SRGAP1: variants seen among roughly 807,000 people sequenced by gnomAD.
SRGAP1 encodes SLIT-ROBO Rho GTPase activating protein 1, also known as SLIT-ROBO Rho GTPase-activating protein 1.
In SRGAP1, 43 loss-of-function variants were observed where a neutral mutation model predicts 121.9. The ratio of observed to expected loss-of-function variants is 0.35; its 90% confidence interval spans 0.28 to 0.46. SRGAP1 has a LOEUF of 0.46. SRGAP1 is among the 20% of genes least tolerant of loss of function. The pLI is 1.00. For synonymous variants in SRGAP1, 447 were observed against 485.4 expected, an observed-to-expected ratio of 0.92 and a Z score of 1.04; for missense variants, 1,102 against 1,350.9, an observed-to-expected ratio of 0.82 and a Z score of 2.89.
intron 1 of SRGAP1, among the ~76,000 whole-genome samples, chr12:63,969,071 G>A (rs922548682): frequency 3.3e-5 from 5 of 152,166 alleles, no homozygotes; most frequent in South Asian, 2.1e-4. Flanking sequence ...AATTTTACTC[G>A]TTTTCACAGA....
At chr12:64,024,271 AATT>A (rs1257390883) in intron 4 of SRGAP1, among the ~76,000 whole-genome samples, 1 of 152,090 alleles carries the variant, frequency 6.6e-6, no homozygotes, top group African/African-American at 2.4e-5. Context: ...TCTCCTAAAA[AATT>A]AATAAATTTA....
intron 1 of SRGAP1, among the ~76,000 whole-genome samples, chr12:63,974,973 G>GTGA (rs1165623129): frequency 6.6e-6 from 1 of 152,186 alleles, no homozygotes; most frequent in Non-Finnish European, 1.5e-5. Context: ...CAAGTGGCCA[G>GTGA]TGATCTTTCC....
intron 1 of SRGAP1, among the ~76,000 whole-genome samples, chr12:63,922,394 G>A (rs183999425): frequency 6.6e-6 from 1 of 152,338 alleles, no homozygotes; most frequent in East Asian, 1.9e-4. Context: ...ATTGTAAACA[G>A]AAGGCATTTC....
At chr12:63,978,612 T>C (rs944192603) in intron 1 of SRGAP1, among the ~76,000 whole-genome samples, 1 of 152,220 alleles carries the variant, frequency 6.6e-6, no homozygotes, top group Non-Finnish European at 1.5e-5. Flanking sequence ...TTGATACACA[T>C]TTGAGCTGTT....
At chr12:63,956,303 G>A (rs1026715501) in intron 1 of SRGAP1, among the ~76,000 whole-genome samples, 11 of 152,214 alleles carry the variant, frequency 7.2e-5, no homozygotes, top group Admixed American at 4.6e-4. Flanking sequence ...GGGCTCAAGC[G>A]ATCCGTCTGC....
At chr12:64,118,651 TAGTGATGTTCAGC>T (rs1358473183) in intron 18 of SRGAP1, among the ~76,000 whole-genome samples, 2 of 151,942 alleles carry the variant, frequency 1.3e-5, no homozygotes, top group Non-Finnish European at 2.9e-5. Flanking sequence ...TCCTGATGAT[TAGTGATGTTCAGC>T]ATTTTAAAAT....
At chr12:63,994,630 A>G (rs1432098481) in intron 3 of SRGAP1, among the ~76,000 whole-genome samples, 1 of 152,170 alleles carries the variant, frequency 6.6e-6, no homozygotes, top group African/African-American at 2.4e-5. Flanking sequence ...CAGACCTTCT[A>G]CTAGATGTAG....
At chr12:64,054,554 C>T (rs2035302627) in intron 6 of SRGAP1, among the ~76,000 whole-genome samples, 1 of 152,114 alleles carries the variant, frequency 6.6e-6, no homozygotes, top group Non-Finnish European at 1.5e-5. Context: ...CCCCATTAGA[C>T]ATGAACTCCT....
Position 63,881,595 on chromosome 12 carries a change from G to A in SRGAP1, c.67+36712G>A, listed in dbSNP as rs571435596. Among the ~76,000 whole-genome samples, 16 of 152,282 alleles carry A rather than the reference G, an allele frequency of 1.1e-4. No individual in the cohort carries two copies. In the South Asian group the frequency reaches 2.7e-3, roughly 26 times the overall value. On this transcript the variant is annotated intron_variant, in intron 1 of 21. Coordinates refer to ENST00000355086, the MANE Select transcript of SRGAP1 (RefSeq NM_020762.4). ...AGTAATAATAGTACTGAGGCCTAAG[G>A]TATTGTGCAGCTTAAATATGATAAT...
chr12:64,108,963 C>G lies in SRGAP1; in HGVS notation c.1845C>G (p.His615Gln). ...ATAATCTCTATGAGAGGGCGCTTCA[C>G]ATCCGCAAACTCCTCCTGACTTTGC... Reference protein sequence around the residue: ...RIDNLYERALHIRKLLLTLPR... With the variant: ...RIDNLYERALQIRKLLLTLPR... Residue 615 changes from histidine (H) to glutamine (Q), a missense_variant, in exon 16 of 22, where the codon CAC (histidine) becomes CAG (glutamine). Physicochemically the swap from His to Gln is conservative, Grantham distance 24. Coordinates refer to ENST00000355086, the MANE Select transcript of SRGAP1 (RefSeq NM_020762.4). The G allele has an allele frequency of 6.2e-7, 1 of 1,604,464 alleles. No individual in the cohort carries two copies. The highest frequency in any genetic ancestry group is 1.3e-5 in the African/African-American group (1 of 74,918).
At chr12:63,904,020 C>G (rs570314267) in intron 1 of SRGAP1, among the ~76,000 whole-genome samples, 47 of 152,206 alleles carry the variant, frequency 3.1e-4, no homozygotes, top group African/African-American at 9.9e-4. Flanking sequence ...AAAATAAACT[C>G]CATGTTGTGA....
intron 1 of SRGAP1, chr12:63,888,477 G>A (rs1900467328): frequency 6.6e-6 from 1 of 152,002 alleles, no homozygotes; most frequent in Non-Finnish European, 1.5e-5. Context: ...TTATAAACCC[G>A]AGATGCACCA....
intron 1 of SRGAP1, among the ~76,000 whole-genome samples, chr12:63,845,605 C>T (rs1898876806): frequency 6.6e-6 from 1 of 150,464 alleles, no homozygotes; most frequent in African/African-American, 2.5e-5. Flanking sequence ...ACATTGTCAA[C>T]TAATGAAGGA....
intron 1 of SRGAP1, among the ~76,000 whole-genome samples, chr12:63,886,791 T>C (rs906084046): frequency 2.6e-5 from 4 of 151,352 alleles, no homozygotes; most frequent in Non-Finnish European, 4.4e-5. Context: ...TAAAAGGGAT[T>C]TTTTTTTGTT....
At chr12:63,876,894 ACTT>A (rs778453486) in intron 1 of SRGAP1, among the ~76,000 whole-genome samples, 5 of 152,248 alleles carry the variant, frequency 3.3e-5, no homozygotes, top group East Asian at 3.9e-4. Context: ...TTGGACTTGA[ACTT>A]CTTCTCCTCT....
intron 8 of SRGAP1, among the ~76,000 whole-genome samples, chr12:64,066,072 A>G (rs1434259563): frequency 1.3e-5 from 2 of 152,244 alleles, no homozygotes; most frequent in South Asian, 4.1e-4. Context: ...TGTAATTTAC[A>G]GGAACACAAG....
intron 3 of SRGAP1, among the ~76,000 whole-genome samples, chr12:64,008,764 C>A (rs2034162867): frequency 6.6e-6 from 1 of 152,120 alleles, no homozygotes; most frequent in Non-Finnish European, 1.5e-5. Flanking sequence ...ACTTCAATAT[C>A]TCAAAGAATC....
chr12:63,894,425 T>C (rs1900685329), intron 1 of SRGAP1, among the ~76,000 whole-genome samples: 1 of 152,030 alleles, frequency 6.6e-6, no homozygotes, highest in Admixed American at 6.5e-5. Context: ...GTCTCTTCGC[T>C]CATTGTAGCA....
rs1044422007 is a variant in SRGAP1, at chr12:64,149,185, CA to C, written c.*6516del. 6.6e-6 allele frequency: 1 copy of C among 152,126 alleles called. No individual in the cohort carries two copies. The highest frequency in any genetic ancestry group is 1.9e-4 in the East Asian group (1 of 5,192). The allele number at this position is 152,126 out of a possible 1,614,324, so 9.4% of individuals were successfully genotyped here. ...AATGGGGGGTGAGGGACCCACCTGT[CA>C]AAGGAATTGTTTTCCCAAACTATGA... On this transcript the variant is annotated 3_prime_UTR_variant, in exon 22 of 22. Transcript: ENST00000355086.
Sources: gnomAD v4.1 joint callset for allele counts (sites outside exome capture counted in the v4.1 genomes callset) on GRCh38, gnomAD v4.1.1 for gene constraint, MANE v1.5 for transcripts, NCBI Gene and HGNC (gene_info 2026-07-23, HGNC 2026-07-21) for gene names.